VIL1: variants seen among roughly 807,000 people sequenced by gnomAD.
VIL1 encodes villin-1.
Under a neutral mutation model 104.0 loss-of-function variants are expected in VIL1, and 86 were observed. The ratio of observed to expected loss-of-function variants is 0.83; its 90% CI spans 0.69 to 0.99. VIL1 has a LOEUF of 0.99. Ranked by LOEUF, VIL1 falls within the 50% of genes least tolerant of loss-of-function variation. The pLI, the probability that VIL1 is intolerant of heterozygous loss-of-function variation, is 0.00. For missense variants in VIL1, 944 were observed against 1,054.1 expected, an observed-to-expected ratio of 0.90 and a Z score of 1.45; for synonymous variants, 394 against 412.6, an observed-to-expected ratio of 0.95 and a Z score of 0.55.
chr2:218,446,033 A>T (rs899263621), intron 19 of VIL1, among the ~76,000 whole-genome samples: 5 of 152,122 alleles, frequency 3.3e-5, no homozygotes, highest in African/African-American at 1.2e-4. Flanking sequence ...TTATACAAAT[A>T]TTTTTTGACT....
Position 218,432,817 on chromosome 2 carries a change from A to G in VIL1, c.1366A>G (p.Ile456Val), listed in dbSNP as rs1419813993. 1 of 1,614,186 alleles carries G rather than the reference A, an allele frequency of 6.2e-7. No homozygotes were observed. Among genetic ancestry groups the G allele is most frequent in the Non-Finnish European group, 8.5e-7 (1 of 1,180,034 alleles). Residue 456 changes from isoleucine (I) to valine (V), a missense_variant, in exon 13 of 20, where the codon ATT becomes GTT. Coordinates refer to ENST00000248444, the MANE Select transcript of VIL1 (RefSeq NM_007127.3). ...GGGCAGCCAGGCCAGCCAAGATGAA[A>G]TTACAGCATCAGCTTATCAAGCCGT... ...WQGSQASQDE[I>V]TASAYQAVIL...
At chr2:218,420,002 A>AG (rs1317033532) in intron 1 of VIL1, among the ~76,000 whole-genome samples, 3 of 152,122 alleles carry the variant, frequency 2.0e-5, no homozygotes, top group Non-Finnish European at 4.4e-5. Flanking sequence ...CCTTTGTCTG[A>AG]GGGGTGGGAC....
intron 1 of VIL1, among the ~76,000 whole-genome samples, chr2:218,422,567 CA>C (rs1053267782): frequency 6.6e-6 from 1 of 152,188 alleles, no homozygotes; most frequent in African/African-American, 2.4e-5. Context: ...GCCTTACCTC[CA>C]ACTCTAGAAC....
rs1366065008 is a variant in VIL1, at chr2:218,436,488, G to A, written c.1833G>A (p.Gln611=). ...TCTTCTCTCCATCCTGCAGACTACAGGAAGAAAACCTGGTCATCACCCCCC... is the reference window on the plus strand; with the variant it reads ...TCTTCTCTCCATCCTGCAGACTACAAGAAGAAAACCTGGTCATCACCCCCC... ...KAPYANTKRL[Q]EENLVITPRL... is the part of the protein sequence containing the mutation. Residue 611 remains glutamine, a synonymous_variant, in exon 16 of 20, where the codon CAG becomes CAA. Coordinates refer to ENST00000248444, the MANE Select transcript of VIL1 (RefSeq NM_007127.3). 1.6e-5 allele frequency: 26 copies of A among 1,613,804 alleles called. No individual in the cohort carries two copies. The highest frequency in any genetic ancestry group is 2.1e-5 in the Non-Finnish European group (25 of 1,179,904).
chr2:218,420,455 A>G (rs1266364692), intron 1 of VIL1, among the ~76,000 whole-genome samples: 4 of 142,154 alleles, frequency 2.8e-5, no homozygotes, highest in African/African-American at 6.1e-5. Context: ...AAAGAAAAGA[A>G]AAAAAGAAAA....
chr2:218,437,749 C>G (rs1441252256), intron 17 of VIL1, among the ~76,000 whole-genome samples: 1 of 152,204 alleles, frequency 6.6e-6, no homozygotes, highest in Middle Eastern at 3.2e-3. Flanking sequence ...AAAGGACTGA[C>G]AAATGTCTTC....
rs370486103 is a variant in VIL1, at chr2:218,429,829, C to T, written c.850-20C>T. The T allele has an allele frequency of 2.4e-5, 39 of 1,609,768 alleles. No homozygotes were observed. The highest frequency in any genetic ancestry group is 1.6e-4 in the Middle Eastern group (1 of 6,070). On this transcript the variant is annotated intron_variant, in intron 8 of 19. Coordinates refer to ENST00000248444, the MANE Select transcript of VIL1 (RefSeq NM_007127.3). Reference sequence around the variant, plus strand: ...CCAGCACCTCCAGCTCCATCAGACTCTTACCTCTCCCGACTCTAGGACTGT... The same window carrying T: ...CCAGCACCTCCAGCTCCATCAGACTTTTACCTCTCCCGACTCTAGGACTGT...
chr2:218,431,529 T>C (rs993901810), intron 10 of VIL1, among the ~76,000 whole-genome samples: 1 of 152,028 alleles, frequency 6.6e-6, no homozygotes, highest in Non-Finnish European at 1.5e-5. Context: ...GCCCCCAACA[T>C]TGCACAGCTC....
chr2:218,426,662 C>T (rs1010904568), intron 4 of VIL1, among the ~76,000 whole-genome samples: 4 of 151,694 alleles, frequency 2.6e-5, no homozygotes, highest in Admixed American at 6.6e-5. Context: ...AGTGCAGTGG[C>T]GCGATCTCAA....
At chr2:218,420,737 C>A (rs985619458) in intron 1 of VIL1, among the ~76,000 whole-genome samples, 15 of 152,056 alleles carry the variant, frequency 9.9e-5, no homozygotes, top group Non-Finnish European at 1.8e-4. Flanking sequence ...AGGCGCCCAC[C>A]ATCTCGCCCG....
intron 15 of VIL1, among the ~76,000 whole-genome samples, chr2:218,435,822 C>A (rs530478742): frequency 6.6e-6 from 1 of 152,228 alleles, no homozygotes; most frequent in Admixed American, 6.5e-5. Context: ...AGCCACAAGC[C>A]CTCTTTCAAA....
chr2:218,428,141 G>T (rs868365079), intron 5 of VIL1, 68 bp downstream of exon 5: 4 of 1,598,202 alleles, frequency 2.5e-6, no homozygotes, highest in Middle Eastern at 3.3e-4. Context: ...GGGCTGAGGA[G>T]GGGTGAGGGG....
chr2:218,449,324 A>T lies in VIL1; in HGVS notation c.2472A>T (p.Lys824Asn), dbSNP rs531876634. 21 of 1,612,810 alleles carry T rather than the reference A, an allele frequency of 1.3e-5. No individual in the cohort carries two copies. The highest frequency in any genetic ancestry group is 1.8e-5 in the Non-Finnish European group (21 of 1,179,006). The part of the protein sequence containing the change: ...RWKQQNLKKE[K>N]GLF ...AGCAACAAAACCTCAAGAAAGAAAA[A>T]GGACTATTTTGAGAAGAGTAGCTGT... Residue 824 changes from lysine to asparagine, a missense_variant, in exon 20 of 20, where the codon AAA (lysine) becomes AAT (asparagine). Coordinates refer to ENST00000248444, the MANE Select transcript of VIL1 (RefSeq NM_007127.3).
chr2:218,443,507 G>A (rs1020428506), intron 19 of VIL1, among the ~76,000 whole-genome samples: 1 of 151,822 alleles, frequency 6.6e-6, no homozygotes, highest in Non-Finnish European at 1.5e-5. Context: ...TAATGGAGGT[G>A]TTTCTAAAGG....
In VIL1 at chr2:218,435,398, C is replaced by A. The variant is rs964459203; in HGVS notation, c.1790C>A (p.Ala597Asp). 1 of 1,613,968 alleles carries A rather than the reference C, an allele frequency of 6.2e-7. No homozygotes were observed. The highest frequency in any genetic ancestry group is 1.3e-5 in the African/African-American group (1 of 74,922). Residue 597 changes from alanine (A) to aspartate (D), a missense_variant, in exon 15 of 20, where the codon GCC becomes GAC. Ala to Asp is a moderately radical substitution (Grantham distance 126). Coordinates refer to ENST00000248444, the MANE Select transcript of VIL1 (RefSeq NM_007127.3). ...EGQEPANFWM[A>D]LGGKAPYANT... ...CAGGAGCCAGCCAACTTCTGGATGGCCCTGGGTGGGAAGGCCCCCTATGCC... is the reference window on the plus strand; with the variant it reads ...CAGGAGCCAGCCAACTTCTGGATGGACCTGGGTGGGAAGGCCCCCTATGCC...
In VIL1 at chr2:218,449,947, T is replaced by C. The variant is rs1264398668; in HGVS notation, c.*611T>C. 1 of 152,504 alleles carries C rather than the reference T, an allele frequency of 6.6e-6. No homozygotes were observed. The highest frequency in any genetic ancestry group is 1.5e-5 in the Non-Finnish European group (1 of 68,298). The allele number at this position is 152,504 out of a possible 1,614,324, so 9.4% of individuals were successfully genotyped here. A position where few individuals can be genotyped will look rare whatever the true frequency, so the allele number is the denominator to read the frequency against. ...GGCAAGTATGAAATGCATATGCTACTTCACTCCCTCTCCCAACCCTTAATA... is the reference window on the plus strand; with the variant it reads ...GGCAAGTATGAAATGCATATGCTACCTCACTCCCTCTCCCAACCCTTAATA... On this transcript the variant is annotated 3_prime_UTR_variant, in exon 20 of 20. Transcript: ENST00000248444.
chr2:218,438,379 T>G (rs539338132), intron 17 of VIL1, among the ~76,000 whole-genome samples: 1 of 152,344 alleles, frequency 6.6e-6, no homozygotes, highest in Admixed American at 6.5e-5. Flanking sequence ...CCCTGGCCCC[T>G]GCAGGTGGCA....
In VIL1 at chr2:218,425,726, T is replaced by C. The variant is rs371279276; in HGVS notation, c.262T>C (p.Phe88Leu). Reference sequence around the variant, plus strand: ...CATCTACACCACACAGATGGATGACTTCCTGAAGGGCCGGGCTGTGCAGCA... The same window carrying C: ...CATCTACACCACACAGATGGATGACCTCCTGAAGGGCCGGGCTGTGCAGCA... ...AAIYTTQMDD[F>L]LKGRAVQHRE... The change falls in exon 4 of 20, where the codon TTC becomes CTC. Residue 88 changes from phenylalanine (F) to leucine (L), a missense_variant. By Grantham distance (22) the Phe-to-Leu change is conservative. Transcript: ENST00000248444. 1.2e-6 allele frequency: 2 copies of C among 1,614,154 alleles called. No homozygotes were observed. Among genetic ancestry groups the C allele is most frequent in the Non-Finnish European group, 1.7e-6 (2 of 1,180,024 alleles).
At chr2:218,427,534 C>T (rs1689022711) in intron 4 of VIL1, among the ~76,000 whole-genome samples, 2 of 152,076 alleles carry the variant, frequency 1.3e-5, no homozygotes, top group South Asian at 4.1e-4. Flanking sequence ...CCATGTTGGC[C>T]AGGCTGGTCT....
Sources: allele counts gnomAD v4.1 joint callset (sites outside exome capture counted in the v4.1 genomes callset), GRCh38; gene constraint gnomAD v4.1.1; transcripts MANE v1.5; gene names NCBI Gene and HGNC (gene_info 2026-07-23, HGNC 2026-07-21).